Variants in PRKN observed in about 807,000 individuals in gnomAD.
PRKN encodes parkin RBR E3 ubiquitin protein ligase.
A neutral mutation model predicts 59.5 loss-of-function variants in PRKN; 56 were observed. The observed-to-expected ratio is 0.94, with a 90% confidence interval of 0.76 to 1.18. The LOEUF is 1.18. Among genes scored for constraint, PRKN ranks in the 50% most tolerant of loss-of-function variants. PRKN has a pLI of 0.00. For missense variants in PRKN, 657 were observed against 596.4 expected (o/e 1.10, Z -1.06); for synonymous variants, 250 against 222.1 (o/e 1.13, Z -1.12).
At chr6:161,609,793 C>T (rs377290706) in intron 7 of PRKN, among the ~76,000 whole-genome samples, 15 of 152,162 alleles carry the variant, frequency 9.9e-5, no homozygotes, top group East Asian at 5.8e-4. Context: ...CTTGGGGAGT[C>T]GCAGTGCCTG....
chr6:162,726,998 T>C (rs1045183633), intron 1 of PRKN: 46 of 48,568 alleles, frequency 9.5e-4, no homozygotes, highest in Non-Finnish European at 1.2e-3. Context: ...GTCGTTCTTT[T>C]ACAAAAAAAA....
In PRKN at chr6:161,428,116, T is replaced by C. The variant is rs932966341; in HGVS notation, c.1084-41239A>G. Among the ~76,000 whole-genome samples the C allele has an allele frequency of 6.6e-6, 1 of 152,172 alleles. No homozygotes were observed. The highest frequency in any genetic ancestry group is 1.5e-5 in the Non-Finnish European group (1 of 68,042). ...CATGAGTGATGCTCTTCCACCTGCATCTTCTGGCACTTGCACTGTGGGGGC... is the reference window on the plus strand; with the variant it reads ...CATGAGTGATGCTCTTCCACCTGCACCTTCTGGCACTTGCACTGTGGGGGC... On this transcript the variant is annotated intron_variant, in intron 9 of 11. Coordinates refer to ENST00000366898, the MANE Select transcript of PRKN (RefSeq NM_004562.3). The surrounding 1 kb of genome is among the most constrained non-coding windows in gnomAD (Gnocchi z 4.0).
chr6:161,701,637 A>T, intron 7 of PRKN, among the ~76,000 whole-genome samples: 1 of 152,236 alleles, frequency 6.6e-6, no homozygotes, highest in Middle Eastern at 3.2e-3. Context: ...TTAAAAATTT[A>T]GGCATATGTA....
intron 7 of PRKN, among the ~76,000 whole-genome samples, chr6:161,615,559 A>G (rs1782662209): frequency 1.3e-5 from 2 of 152,206 alleles, no homozygotes; most frequent in Admixed American, 6.5e-5. Flanking sequence ...GCATCCAACT[A>G]TGTTACAATA....
chr6:162,296,407 T>C (rs1405610587), intron 2 of PRKN, among the ~76,000 whole-genome samples: 2 of 152,038 alleles, frequency 1.3e-5, no homozygotes, highest in South Asian at 2.1e-4. Context: ...CTGATACTCA[T>C]ATCACTCATC....
At chr6:162,539,477 C>T (rs2128199344) in intron 1 of PRKN, among the ~76,000 whole-genome samples, 1 of 152,268 alleles carries the variant, frequency 6.6e-6, no homozygotes, top group African/African-American at 2.4e-5. Flanking sequence ...CCTACAGCTT[C>T]TTTGTCTACA....
intron 2 of PRKN, among the ~76,000 whole-genome samples, chr6:162,376,233 G>A (rs1037244427): frequency 1.3e-5 from 2 of 151,940 alleles, no homozygotes; most frequent in Non-Finnish European, 2.9e-5. Context: ...GTGAATAAGG[G>A]AATTTTGTTA....
At chr6:161,690,733 C>A (rs553862679) in intron 7 of PRKN, among the ~76,000 whole-genome samples, 3 of 152,234 alleles carry the variant, frequency 2.0e-5, no homozygotes, top group African/African-American at 7.2e-5. Context: ...GGACATCAAT[C>A]CTCTCCTGCC....
chr6:161,437,014 A>G (rs1423017327), intron 9 of PRKN, among the ~76,000 whole-genome samples: 2 of 152,154 alleles, frequency 1.3e-5, no homozygotes, highest in Non-Finnish European at 2.9e-5. Context: ...CAAGGGGGAT[A>G]CGTTCCCAGA....
intron 3 of PRKN, among the ~76,000 whole-genome samples, chr6:162,236,415 C>G: frequency 6.6e-6 from 1 of 152,194 alleles, no homozygotes; most frequent in Non-Finnish European, 1.5e-5. Flanking sequence ...AACCCTCTCT[C>G]ATTTACTATC....
chr6:162,080,651 T>C (rs962921985), intron 4 of PRKN, among the ~76,000 whole-genome samples: 1 of 152,130 alleles, frequency 6.6e-6, no homozygotes, highest in Non-Finnish European at 1.5e-5. Flanking sequence ...TAACCTTTTT[T>C]GCTAGTGGCA....
intron 6 of PRKN, among the ~76,000 whole-genome samples, chr6:161,874,401 ATATTATATATAAAATATATAT>A (rs1562355066): frequency 3.6e-5 from 3 of 82,684 alleles, no homozygotes; most frequent in Admixed American, 4.1e-4. Flanking sequence ...TATATGTAAA[ATATTATATATAAAATATATAT>A]TATATGTAAA....
chr6:161,851,983 A>C (rs1035206157), intron 6 of PRKN, among the ~76,000 whole-genome samples: 5 of 151,074 alleles, frequency 3.3e-5, no homozygotes, highest in Non-Finnish European at 5.9e-5. Context: ...GCTGCTCAAG[A>C]GGCTGAGGCA....
At chr6:161,721,262 G>A (rs1239327398) in intron 7 of PRKN, among the ~76,000 whole-genome samples, 3 of 152,198 alleles carry the variant, frequency 2.0e-5, no homozygotes, top group African/African-American at 7.2e-5. Context: ...CAACTGATTT[G>A]TAAAAGTCAA....
rs767346735 is a variant in PRKN at position 161,552,799 on chromosome 6, TG to T, written c.934-3797del. 7.4e-5 allele frequency among the ~76,000 whole-genome samples: 11 copies of T among 149,190 alleles called. 1 individual carries two copies. The highest frequency in any genetic ancestry group is 1.5e-4 in the African/African-American group (6 of 40,826). On this transcript the variant is annotated intron_variant, in intron 8 of 11. Transcript: ENST00000366898. The surrounding 1 kb of genome is among the most constrained non-coding windows in gnomAD (Gnocchi z 4.9). ...TGGTTTTGTTGTTGTTTTTGTTTTT[TG>T]TTTTTTTTTTTTAGACGGAGTCTCG...
intron 10 of PRKN, among the ~76,000 whole-genome samples, chr6:161,366,630 G>A (rs968890075): frequency 7.9e-5 from 12 of 152,286 alleles, no homozygotes; most frequent in Middle Eastern, 3.4e-3. Flanking sequence ...AGACAAGATT[G>A]AAAGTCTAAC....
At chr6:161,752,366 CAAACAAACAAAAAAACAAAACA>C (rs1190795696) in intron 7 of PRKN, among the ~76,000 whole-genome samples, 3 of 107,922 alleles carry the variant, frequency 2.8e-5, no homozygotes, top group Non-Finnish European at 7.0e-5. Flanking sequence ...GACTCTGTCT[CAAACAAACAAAAAAACAAAACA>C]AAACAAACAA....
chr6:162,307,922 C>T (rs1440545909), intron 2 of PRKN, among the ~76,000 whole-genome samples: 1 of 152,198 alleles, frequency 6.6e-6, no homozygotes, highest in Non-Finnish European at 1.5e-5. Flanking sequence ...ATGACCCTAA[C>T]ATTTGCTTTC....
intron 4 of PRKN, among the ~76,000 whole-genome samples, chr6:162,098,241 C>T (rs1779827885): frequency 6.6e-6 from 1 of 152,096 alleles, no homozygotes; most frequent in Non-Finnish European, 1.5e-5. Flanking sequence ...TTATGTGCTA[C>T]AGGAGACAAA....
Sources: gnomAD v4.1 joint callset for allele counts (sites outside exome capture counted in the v4.1 genomes callset) on GRCh38, gnomAD v4.1.1 for gene constraint, Gnocchi (gnomAD v3.1) non-coding constraint, MANE v1.5 for transcripts, NCBI Gene and HGNC (gene_info 2026-07-23, HGNC 2026-07-21) for gene names.